Variants in TMEM132C observed in about 807,000 individuals in gnomAD.
The protein encoded by TMEM132C is protein phosphatase 1, regulatory subunit 152.
In TMEM132C, 29 loss-of-function variants were observed where a neutral mutation model predicts 61.4. The observed-to-expected ratio is 0.47, with a 90% CI of 0.35 to 0.64. The LOEUF is 0.64. TMEM132C is among the 30% of genes least tolerant of loss of function. The probability of loss-of-function intolerance (pLI) is 0.00; values close to 1 mark genes in which losing one functional copy is unlikely to be tolerated. For synonymous variants in TMEM132C, 656 were observed against 633.1 expected (o/e 1.04, Z -0.54); for missense variants, 1,408 against 1,476.9 (o/e 0.95, Z 0.76).
intron 3 of TMEM132C, among the ~76,000 whole-genome samples, chr12:128,602,402 T>G (rs753604011): frequency 2.6e-5 from 4 of 152,210 alleles, no homozygotes; most frequent in Non-Finnish European, 5.9e-5. Context: ...GATAAGGAAT[T>G]TCCAGTTGAA....
At chr12:128,477,819 T>C (rs879767834) in intron 2 of TMEM132C, among the ~76,000 whole-genome samples, 39 of 152,146 alleles carry the variant, frequency 2.6e-4, no homozygotes, top group Admixed American at 2.5e-3. Flanking sequence ...TGACCTTAAG[T>C]GATCTGCCCA....
chr12:128,554,303 G>A (rs1328413873), intron 3 of TMEM132C, among the ~76,000 whole-genome samples: 1 of 152,220 alleles, frequency 6.6e-6, no homozygotes, highest in East Asian at 1.9e-4. Context: ...ATGCCCTGCA[G>A]GCTGTGAGAG....
At chr12:128,432,208 A>G (rs1040036314) in intron 2 of TMEM132C, among the ~76,000 whole-genome samples, 4 of 152,186 alleles carry the variant, frequency 2.6e-5, no homozygotes, top group Non-Finnish European at 4.4e-5. Flanking sequence ...CTGCTAACGT[A>G]ACATCCATTG....
chr12:128,493,772 G>A (rs371337934), intron 2 of TMEM132C, among the ~76,000 whole-genome samples: 2 of 152,020 alleles, frequency 1.3e-5, no homozygotes, highest in Non-Finnish European at 2.9e-5. Context: ...GGTTTTCTAG[G>A]TATACAATCA....
chr12:128,374,416 C>T (rs1565916562), intron 1 of TMEM132C, among the ~76,000 whole-genome samples: 1 of 152,218 alleles, frequency 6.6e-6, no homozygotes, highest in African/African-American at 2.4e-5. Context: ...TTCCGGTGCC[C>T]CTGGAGTGAC....
intron 3 of TMEM132C, among the ~76,000 whole-genome samples, chr12:128,572,706 A>T (rs1040497607): frequency 1.4e-4 from 21 of 151,284 alleles, no homozygotes; most frequent in Non-Finnish European, 2.8e-4. Context: ...GACCTGTCAC[A>T]TGCTCACTGT....
chr12:128,592,298 C>G (rs768549910), intron 3 of TMEM132C, among the ~76,000 whole-genome samples: 2 of 152,190 alleles, frequency 1.3e-5, no homozygotes, highest in Non-Finnish European at 2.9e-5. Context: ...TTATCTCCTA[C>G]TCACTGGCAC....
intron 5 of TMEM132C, among the ~76,000 whole-genome samples, chr12:128,684,218 C>T (rs1047549314): frequency 6.6e-6 from 1 of 151,788 alleles, no homozygotes; most frequent in Non-Finnish European, 1.5e-5. Flanking sequence ...GTCTCTCCCA[C>T]TCGTTTCTGT....
chr12:128,289,292 A>G (rs1051050613), intron 1 of TMEM132C, among the ~76,000 whole-genome samples: 1 of 151,664 alleles, frequency 6.6e-6, no homozygotes, highest in African/African-American at 2.4e-5. Flanking sequence ...TCATGTGCGC[A>G]CACACACACA....
chr12:128,287,871 C>A (rs1871122698), intron 1 of TMEM132C, among the ~76,000 whole-genome samples: 1 of 152,140 alleles, frequency 6.6e-6, no homozygotes, highest in South Asian at 2.1e-4. Flanking sequence ...TTGAAGAGTA[C>A]AGGCCAGGTT....
intron 2 of TMEM132C, among the ~76,000 whole-genome samples, chr12:128,513,541 C>T (rs111557346): frequency 2.1e-4 from 32 of 152,226 alleles, no homozygotes; most frequent in African/African-American, 5.5e-4. Context: ...CCATCTTGGA[C>T]GATCTTTTAC....
intron 2 of TMEM132C, among the ~76,000 whole-genome samples, chr12:128,523,450 A>C (rs1270951221): frequency 6.6e-6 from 1 of 152,172 alleles, no homozygotes; most frequent in Non-Finnish European, 1.5e-5. Flanking sequence ...TTTGTTTTTT[A>C]AAAAGAAAAC....
chr12:128,400,233 T>TA (rs780622809), intron 1 of TMEM132C: 1 of 152,266 alleles, frequency 6.6e-6, no homozygotes, highest in Non-Finnish European at 1.5e-5. Context: ...ACCCCTGGGA[T>TA]AAAAGCACAG....
intron 3 of TMEM132C, among the ~76,000 whole-genome samples, chr12:128,547,417 A>C (rs1873991620): frequency 1.4e-5 from 2 of 145,868 alleles, no homozygotes; most frequent in African/African-American, 5.0e-5. Context: ...AAAAAAAATT[A>C]GCCGGGCGTG....
intron 3 of TMEM132C, among the ~76,000 whole-genome samples, chr12:128,580,731 C>T (rs113488025): frequency 7.2e-4 from 110 of 152,260 alleles, no homozygotes; most frequent in Middle Eastern, 3.4e-3. Context: ...CAGTCCCCAC[C>T]GCTCCCTGAG....
chr12:128,621,430 A>T (rs769188034), intron 4 of TMEM132C, among the ~76,000 whole-genome samples: 1 of 152,176 alleles, frequency 6.6e-6, no homozygotes, highest in African/African-American at 2.4e-5. Context: ...CCATGTGAGG[A>T]TGGTGGCAAA....
At chr12:128,700,571 T>C (rs1214815542) in intron 8 of TMEM132C, among the ~76,000 whole-genome samples, 1 of 152,208 alleles carries the variant, frequency 6.6e-6, no homozygotes, top group Non-Finnish European at 1.5e-5. Flanking sequence ...GTTCAGTCTT[T>C]TATCTCACCC....
At chr12:128,585,191 A>G (rs968874581) in intron 3 of TMEM132C, among the ~76,000 whole-genome samples, 1 of 152,268 alleles carries the variant, frequency 6.6e-6, no homozygotes, top group African/African-American at 2.4e-5. Context: ...CACACGTGAA[A>G]AAATGTATAT....
chr12:128,539,531 T>G (rs1305946816), intron 2 of TMEM132C, among the ~76,000 whole-genome samples: 1 of 152,042 alleles, frequency 6.6e-6, no homozygotes, highest in African/African-American at 2.4e-5. Flanking sequence ...GGCAGGGGAA[T>G]CACTTAAACC....
Sources: allele counts gnomAD v4.1 joint callset (sites outside exome capture counted in the v4.1 genomes callset), GRCh38; gene constraint gnomAD v4.1.1; transcripts MANE v1.5; gene names NCBI Gene and HGNC (gene_info 2026-07-23, HGNC 2026-07-21).